TYW1: variants seen among roughly 807,000 people sequenced by gnomAD.
TYW1 encodes the protein tRNA-yW synthesizing protein 1 homolog, also known as S-adenosyl-L-methionine-dependent tRNA 4-demethylwyosine synthase TYW1.
TYW1 carries 46 observed loss-of-function variants against 96.2 expected under a neutral mutation model. That is an observed-to-expected ratio of 0.48 (90% CI 0.38 to 0.61). TYW1 has a LOEUF of 0.61. Ranked by LOEUF, TYW1 falls within the 20% of genes least tolerant of loss-of-function variation. TYW1 has a pLI of 0.00. For synonymous variants in TYW1, 274 were observed against 323.0 expected, an observed-to-expected ratio of 0.85 and a Z score of 1.63; for missense variants, 684 against 909.6, an observed-to-expected ratio of 0.75 and a Z score of 3.19.
intron 4 of TYW1, 133 bp from the exon 5 acceptor site, chr7:67,014,234 T>C: frequency 7.8e-7 from 1 of 1,288,060 alleles, no homozygotes; most frequent in Non-Finnish European, 1.1e-6. Context: ...TGCCCTTCAC[T>C]TTTGAAGATG....
At chr7:67,163,349 T>G (rs1799219101) in intron 13 of TYW1, among the ~76,000 whole-genome samples, 2 of 152,354 alleles carry the variant, frequency 1.3e-5, no homozygotes, top group African/African-American at 4.8e-5. Context: ...TTTCACATTC[T>G]GCTGCCAGTG....
At chr7:67,160,818 C>G (rs1799140312) in intron 13 of TYW1, among the ~76,000 whole-genome samples, 1 of 151,788 alleles carries the variant, frequency 6.6e-6, no homozygotes, top group Non-Finnish European at 1.5e-5. Context: ...TTTCGAACTC[C>G]TGACCTCAAG....
At chr7:67,199,974 GAAGA>G (rs988837299) in intron 15 of TYW1, among the ~76,000 whole-genome samples, 5 of 152,134 alleles carry the variant, frequency 3.3e-5, no homozygotes, top group Non-Finnish European at 7.3e-5. Context: ...GAAGGAAAAA[GAAGA>G]AAGAAAGAAC....
intron 15 of TYW1, among the ~76,000 whole-genome samples, chr7:67,200,388 G>T (rs1304488866): frequency 6.6e-6 from 1 of 152,120 alleles, no homozygotes; most frequent in Non-Finnish European, 1.5e-5. Context: ...GTTCCACATG[G>T]CTGGGGAGGC....
chr7:67,126,747 ACTTTTTTCT>A (rs1230796171), intron 13 of TYW1, among the ~76,000 whole-genome samples: 1 of 81,202 alleles, frequency 1.2e-5, no homozygotes, highest in Non-Finnish European at 2.5e-5. Context: ...TACTTTTTTC[ACTTTTTTCT>A]CTTTTGCTAA....
chr7:67,235,907 A>AAAG (rs1314982755), intron 15 of TYW1, among the ~76,000 whole-genome samples: 8 of 136,518 alleles, frequency 5.9e-5, no homozygotes, highest in Admixed American at 5.1e-4. Context: ...AAAAAAAAAA[A>AAAG]AAAGAAAAAG....
rs1341437613 is a variant in TYW1 at position 67,180,424 on chromosome 7, A to ATATATATATATT, written c.1699-2702_1699-2701insTATATATATATT. ...TATATATTTATATATATATATATATAATTTTTTTTTTGGTAACTGGCCTAA... is the reference window on the plus strand; with the variant it reads ...TATATATTTATATATATATATATATATATATATATATTATTTTTTTTTTGGTAACTGGCCTAA... On this transcript the variant is annotated intron_variant, in intron 13 of 15. Transcript: ENST00000359626. 2.1e-3 allele frequency among the ~76,000 whole-genome samples: 169 copies of ATATATATATATT among 81,856 alleles called. 3 individuals carry two copies. Among genetic ancestry groups the ATATATATATATT allele is most frequent in the Non-Finnish European group, 3.3e-3 (120 of 36,760 alleles). 53.7% of individuals were successfully genotyped at this position (81,856 alleles called of 152,430 possible). A position where few individuals can be genotyped will look rare whatever the true frequency, so the allele number is the denominator to read the frequency against.
intron 12 of TYW1, among the ~76,000 whole-genome samples, chr7:67,108,443 CTT>C (rs11433479): frequency 2.4e-4 from 32 of 134,730 alleles, no homozygotes; most frequent in Admixed American, 3.7e-4. Flanking sequence ...CAGATTTTTT[CTT>C]TTTTTTTTTT....
At position 67,141,862 on chromosome 7, in the gene TYW1, GCCCTCT is replaced by G. The variant is rs931534678; in HGVS notation, c.1698+24246_1698+24251del. ...ACCACCCTGACCAACATGGGGAGAC[GCCCTCT>G]CTACTAAAAATACAAAATTAGCTGG... On this transcript the variant is annotated intron_variant, in intron 13 of 15. Transcript: ENST00000359626. Among the ~76,000 whole-genome samples, 14 of 152,040 alleles carry G rather than the reference GCCCTCT, an allele frequency of 9.2e-5. 1 individual carries two copies. The highest frequency in any genetic ancestry group is 9.2e-4 in the Admixed American group (14 of 15,268).
At chr7:67,150,538 A>G (rs1798762283) in intron 13 of TYW1, among the ~76,000 whole-genome samples, 2 of 152,268 alleles carry the variant, frequency 1.3e-5, no homozygotes, top group Non-Finnish European at 2.9e-5. Flanking sequence ...TGGGAATTGT[A>G]GCAATCAGTG....
chr7:67,053,380 C>CTTT (rs35828058), intron 8 of TYW1, among the ~76,000 whole-genome samples: 7 of 134,368 alleles, frequency 5.2e-5, no homozygotes, highest in African/African-American at 1.4e-4. Flanking sequence ...TAGTTTGTTT[C>CTTT]TTTTTTTTTT....
At chr7:67,055,590 C>G (rs571685005) in intron 8 of TYW1, among the ~76,000 whole-genome samples, 243 of 132,888 alleles carry the variant, frequency 1.8e-3, no homozygotes, top group Non-Finnish European at 2.9e-3. Context: ...CAGAGCGGGA[C>G]TGTCTTAAAA....
chr7:67,231,940 AT>A (rs1397442985), intron 15 of TYW1, among the ~76,000 whole-genome samples: 5 of 152,210 alleles, frequency 3.3e-5, no homozygotes, highest in Non-Finnish European at 5.9e-5. Context: ...TAAAAAAAAA[AT>A]CTTTTTTGTC....
chr7:66,998,683 G>A (rs1049458262), intron 2 of TYW1, 134 bp from the exon 3 acceptor site: 2 of 1,079,832 alleles, frequency 1.9e-6, no homozygotes, highest in Admixed American at 2.7e-5. Context: ...CAACCAGAAA[G>A]ATTAAGAGAA....
intron 14 of TYW1, among the ~76,000 whole-genome samples, chr7:67,193,497 C>A (rs1388728773): frequency 6.6e-6 from 1 of 152,164 alleles, no homozygotes; most frequent in Non-Finnish European, 1.5e-5. Flanking sequence ...TGTTGGCTCA[C>A]ATCTGTAATC....
intron 8 of TYW1, among the ~76,000 whole-genome samples, chr7:67,055,596 TAA>T (rs376462145): frequency 0.042 from 5,911 of 139,862 alleles, 177 homozygotes; most frequent in Middle Eastern, 0.11. Context: ...GGGACTGTCT[TAA>T]AAAAAAAAAA....
intron 10 of TYW1, among the ~76,000 whole-genome samples, chr7:67,081,768 C>A (rs1391509020): frequency 6.7e-6 from 1 of 150,258 alleles, no homozygotes; most frequent in East Asian, 1.9e-4. Context: ...CCTCTTCCTT[C>A]TTCTTTTCCT....
rs377456667 is a variant in TYW1 at position 67,210,759 on chromosome 7, T to TGTCC, written c.1977+15427_1977+15430dup. Among the ~76,000 whole-genome samples, 88 of 87,908 alleles carry TGTCC rather than the reference T, an allele frequency of 1.0e-3. 2 individuals are homozygous for TGTCC. Among genetic ancestry groups the TGTCC allele is most frequent in the African/African-American group, 1.2e-3 (24 of 19,318 alleles). 57.7% of individuals were successfully genotyped at this position (87,908 alleles called of 152,430 possible). A position where few individuals can be genotyped will look rare whatever the true frequency, so the allele number is the denominator to read the frequency against. Reference sequence around the variant, plus strand: ...ATCTGTCATCTGTTTGTCTGTCGTCTGTCCGTCCATCCATCCATCCATCCG... The same window carrying TGTCC: ...ATCTGTCATCTGTTTGTCTGTCGTCTGTCCGTCCGTCCATCCATCCATCCATCCG... On this transcript the variant is annotated intron_variant, in intron 15 of 15. Coordinates refer to ENST00000359626, the MANE Select transcript of TYW1 (RefSeq NM_018264.4).
At chr7:67,084,877 C>T (rs1196917641) in intron 11 of TYW1, among the ~76,000 whole-genome samples, 1 of 152,120 alleles carries the variant, frequency 6.6e-6, no homozygotes, top group African/African-American at 2.4e-5. Context: ...CTTTGAGAAC[C>T]ACTACTGTAC....
Sources: allele counts gnomAD v4.1 joint callset (sites outside exome capture counted in the v4.1 genomes callset), GRCh38; gene constraint gnomAD v4.1.1; transcripts MANE v1.5; gene names NCBI Gene and HGNC (gene_info 2026-07-23, HGNC 2026-07-21).